FAM161B: variants seen among roughly 807,000 people sequenced by gnomAD.
The protein encoded by FAM161B is FAM161 centrosomal protein B, also known as protein FAM161B.
A neutral mutation model predicts 61.5 loss-of-function variants in FAM161B; 46 were observed. That is an observed-to-expected ratio of 0.75 (90% CI 0.59 to 0.96). The LOEUF is 0.96. FAM161B is among the 40% of genes least tolerant of loss of function. FAM161B has a pLI of 0.00. For synonymous variants in FAM161B, 284 were observed against 302.7 expected (o/e 0.94, Z 0.64); for missense variants, 774 against 800.7 (o/e 0.97, Z 0.40).
chr14:73,938,468 A>G (rs549232267), intron 5 of FAM161B, among the ~76,000 whole-genome samples: 99 of 145,918 alleles, frequency 6.8e-4, no homozygotes, highest in Non-Finnish European at 1.3e-3. Context: ...AAAAATAATA[A>G]TAATAATAAA....
At chr14:73,937,143 A>C (rs367974737) in intron 7 of FAM161B, among the ~76,000 whole-genome samples, 2 of 152,200 alleles carry the variant, frequency 1.3e-5, no homozygotes, top group East Asian at 1.9e-4. Flanking sequence ...AGTCTAGAGA[A>C]AGCCTTGCAG....
intron 4 of FAM161B, 134 bp downstream of exon 4, chr14:73,942,235 T>C: frequency 1.2e-6 from 1 of 850,704 alleles, no homozygotes; most frequent in South Asian, 1.8e-5. Flanking sequence ...GGAAAGTGAA[T>C]CTGCTTACAA....
chr14:73,930,226 C>G (rs2055891142), downstream of FAM161B, among the ~76,000 whole-genome samples: 1 of 152,192 alleles, frequency 6.6e-6, no homozygotes, highest in African/African-American at 2.4e-5. Flanking sequence ...TCTTAACTTT[C>G]CTGCCACACA....
chr14:73,926,313 C>T, the FAM161B span, among the ~76,000 whole-genome samples: 2 of 152,028 alleles, frequency 1.3e-5, no homozygotes, highest in South Asian at 4.1e-4. Context: ...TTGCTAGAGT[C>T]AGGATTCAAA....
chr14:73,931,332 G>A (rs1005498209), downstream of FAM161B, among the ~76,000 whole-genome samples: 4 of 152,144 alleles, frequency 2.6e-5, no homozygotes, highest in Non-Finnish European at 5.9e-5. Context: ...GCTGTCCCAA[G>A]GCCACAGTGA....
intron 5 of FAM161B, among the ~76,000 whole-genome samples, chr14:73,938,636 G>A (rs2055991866): frequency 6.6e-6 from 1 of 151,904 alleles, no homozygotes; most frequent in East Asian, 1.9e-4. Flanking sequence ...GCCGGGTGCG[G>A]TGGTGGGCGC....
downstream of FAM161B, chr14:73,931,667 C>T: frequency 1.2e-6 from 1 of 811,140 alleles, no homozygotes; most frequent in Non-Finnish European, 2.0e-6. Flanking sequence ...CTGCTTTTGC[C>T]ACTCTTCCTC....
Position 73,940,981 on chromosome 14 carries a change from T to C in FAM161B, c.1345A>G (p.Asn449Asp), listed in dbSNP as rs2056012862. The change falls in exon 5 of 9, where the codon AAC (asparagine) becomes GAC (aspartate). Residue 449 changes from asparagine (N) to aspartate (D), a missense_variant. Physicochemically the swap from Asn to Asp is conservative, Grantham distance 23 (BLOSUM62 1). Coordinates refer to ENST00000286544, the MANE Select transcript of FAM161B (RefSeq NM_152445.3). ...TCTGTGATGTGCACAGGGAGAGTGT[T>C]GGCAGAGAGGGAAGCAAGGCCGCTC... is the stretch of plus-strand genomic sequence containing the variant. ...SLSGLASLSA[N>D]TLPVHITDAT... 4 of 1,613,864 alleles carry C rather than the reference T, an allele frequency of 2.5e-6. No homozygotes were observed. Among genetic ancestry groups the C allele is most frequent in the Middle Eastern group, 3.3e-4 (2 of 6,062 alleles).
At position 73,935,939 on chromosome 14, in the gene FAM161B, T is replaced by C. The variant is rs145457364; in HGVS notation, c.1805+10A>G. On this transcript the variant is annotated intron_variant, in intron 8 of 8. Transcript: ENST00000286544. ...GAGAGCTGCAGAATGACAGCAACATTTCAGGTTACCTGGGAAAATCCTTGA... is the reference window on the plus strand; with the variant it reads ...GAGAGCTGCAGAATGACAGCAACATCTCAGGTTACCTGGGAAAATCCTTGA... The C allele has an allele frequency of 6.8e-4, 1,090 of 1,605,462 alleles. 4 individuals carry two copies. In the African/African-American group the frequency reaches 0.014, roughly 20 times the overall value.
At position 73,934,135 on chromosome 14, in the gene FAM161B, C is replaced by G; in HGVS notation, c.*121G>C. 2 of 1,232,888 alleles carry G rather than the reference C, an allele frequency of 1.6e-6. No individual in the cohort carries two copies. Among genetic ancestry groups the G allele is most frequent in the African/African-American group, 3.1e-5 (2 of 65,490 alleles). The allele number at this position is 1,232,888 out of a possible 1,614,324, so 76.4% of individuals were successfully genotyped here. On this transcript the variant is annotated 3_prime_UTR_variant, in exon 9 of 9. Coordinates refer to ENST00000286544, the MANE Select transcript of FAM161B (RefSeq NM_152445.3). The stretch of plus-strand genomic sequence containing the variant: ...CTGCGCCTGGCCTGTTAATCTGCTA[C>G]TCTTCATTTGTCCATCCTCTAACAG...
chr14:73,946,668 C>G, intron 1 of FAM161B, 63 bp from the exon 2 acceptor site: 8 of 1,525,596 alleles, frequency 5.2e-6, no homozygotes, highest in Non-Finnish European at 6.2e-6. Context: ...CAAATCATAA[C>G]TTAATTTCGC....
At chr14:73,946,160 A>C in intron 2 of FAM161B, 126 bp downstream of exon 2, 3 of 958,030 alleles carry the variant, frequency 3.1e-6, no homozygotes, top group Non-Finnish European at 4.6e-6. Context: ...ATTCTCAGCT[A>C]GAGCCTCAGT....
In FAM161B at chr14:73,950,046, C is replaced by T; in HGVS notation, c.-20G>A. The T allele has an allele frequency of 6.2e-7, 1 of 1,611,090 alleles. No individual in the cohort carries two copies. On this transcript the variant is annotated 5_prime_UTR_variant, in exon 1 of 9. Transcript: ENST00000286544. ...GGTCATTTCAGCTGGACAGAGGCAG[C>T]AGCGACAGTGACAGCGATAGTGGCA...
intron 5 of FAM161B, among the ~76,000 whole-genome samples, chr14:73,938,938 C>T (rs2055994788): frequency 6.6e-6 from 1 of 152,102 alleles, no homozygotes. Context: ...GCCTTTCCAG[C>T]ACTAGGGACA....
rs780213346 is a variant in FAM161B at position 73,941,076 on chromosome 14, T to C, written c.1273-23A>G. The C allele has an allele frequency of 4.4e-6, 7 of 1,605,214 alleles. No individual in the cohort carries two copies. In the Admixed American group the frequency reaches 6.8e-5, roughly 16 times the overall value. On this transcript the variant is annotated intron_variant, in intron 4 of 8. Transcript: ENST00000286544. Reference sequence around the variant, plus strand: ...ATCCTAGAAGAAACAAAGGTTGGTATTGGTGGGACAGCATGTGTGATTAGT... The same window carrying C: ...ATCCTAGAAGAAACAAAGGTTGGTACTGGTGGGACAGCATGTGTGATTAGT...
intron 8 of FAM161B, 109 bp from the exon 9 acceptor site, chr14:73,934,503 TGGA>T: frequency 9.5e-7 from 1 of 1,053,164 alleles, no homozygotes; most frequent in Non-Finnish European, 1.3e-6. Flanking sequence ...CACTGCAGCC[TGGA>T]CAGCCCAGCT....
At position 73,932,632 on chromosome 14, in the gene FAM161B, C is replaced by G. The variant is rs2055933650; in HGVS notation, c.*1624G>C. ...TACTGAGAAAATATCCACTCATCATCATTATGATTTGAGATGGGGTCTTGC... is the reference window on the plus strand; with the variant it reads ...TACTGAGAAAATATCCACTCATCATGATTATGATTTGAGATGGGGTCTTGC... On this transcript the variant is annotated 3_prime_UTR_variant, in exon 9 of 9. Coordinates refer to ENST00000286544, the MANE Select transcript of FAM161B (RefSeq NM_152445.3). 2 of 374,792 alleles carry G rather than the reference C, an allele frequency of 5.3e-6. No homozygotes were observed. The highest frequency in any genetic ancestry group is 1.0e-5 in the Non-Finnish European group (2 of 193,056). The allele number at this position is 374,792 out of a possible 1,614,324, so 23.2% of individuals were successfully genotyped here. A position where few individuals can be genotyped will look rare whatever the true frequency, so the allele number is the denominator to read the frequency against.
At chr14:73,948,167 G>A (rs139790012) in intron 1 of FAM161B, among the ~76,000 whole-genome samples, 3,705 of 152,202 alleles carry the variant, frequency 0.024, 142 homozygotes, top group African/African-American at 0.084. Flanking sequence ...CAAATGATCC[G>A]CCTGCCTTGG....
chr14:73,938,788 T>A (rs1471804848), intron 5 of FAM161B, among the ~76,000 whole-genome samples: 1 of 151,946 alleles, frequency 6.6e-6, no homozygotes, highest in Admixed American at 6.6e-5. Flanking sequence ...TAATAATAAA[T>A]AAATAAATAA....
Sources: allele counts gnomAD v4.1 joint callset (sites outside exome capture counted in the v4.1 genomes callset), GRCh38; gene constraint gnomAD v4.1.1; transcripts MANE v1.5; gene names NCBI Gene and HGNC (gene_info 2026-07-23, HGNC 2026-07-21).